SFXN5: variants seen among roughly 807,000 people sequenced by gnomAD.
SFXN5 encodes the protein sideroflexin 5.
In SFXN5, 43 loss-of-function variants were observed where a neutral mutation model predicts 50.2. The observed-to-expected ratio is 0.86, with a 90% CI of 0.67 to 1.11. The LOEUF (loss-of-function observed/expected upper bound fraction) is 1.11. SFXN5 is among the 50% of genes least tolerant of loss of function. SFXN5 has a pLI of 0.00. For missense variants in SFXN5, 463 were observed against 454.1 expected (o/e 1.02, Z -0.18); for synonymous variants, 203 against 185.8 (o/e 1.09, Z -0.75).
chr2:72,990,230 T>C (rs1672415887), intron 9 of SFXN5, among the ~76,000 whole-genome samples: 1 of 152,174 alleles, frequency 6.6e-6, no homozygotes, highest in Admixed American at 6.5e-5. Flanking sequence ...CCATCTTAAG[T>C]CTCAGGCTGA....
intron 6 of SFXN5, among the ~76,000 whole-genome samples, chr2:73,001,928 T>C (rs1003284279): frequency 6.6e-6 from 1 of 152,222 alleles, no homozygotes; most frequent in African/African-American, 2.4e-5. Context: ...TCTTAAATAT[T>C]TCTGTATTCT....
chr2:72,989,061 C>G (rs1013118237), intron 9 of SFXN5, among the ~76,000 whole-genome samples: 6 of 152,244 alleles, frequency 3.9e-5, no homozygotes, highest in Admixed American at 3.9e-4. Context: ...GCCACACCAG[C>G]TCCTCTCTAT....
chr2:72,990,355 G>A (rs1003339260), intron 9 of SFXN5, among the ~76,000 whole-genome samples: 2 of 152,182 alleles, frequency 1.3e-5, no homozygotes, highest in African/African-American at 4.8e-5. Context: ...CTGGGGAGCT[G>A]CCGGCTCATA....
chr2:73,014,119 C>A (rs1200763038), intron 6 of SFXN5, among the ~76,000 whole-genome samples: 1 of 152,110 alleles, frequency 6.6e-6, no homozygotes, highest in Non-Finnish European at 1.5e-5. Context: ...TATTCCACTG[C>A]GTGACTAAGC....
At chr2:73,047,257 T>TATATATATATATATACACAC (rs1177919651) in intron 2 of SFXN5, among the ~76,000 whole-genome samples, 13 of 70,094 alleles carry the variant, frequency 1.9e-4, no homozygotes, top group Admixed American at 3.8e-4. Flanking sequence ...TATATATATA[T>TATATATATATATATACACAC]ATATATATAT....
intron 11 of SFXN5, among the ~76,000 whole-genome samples, chr2:72,968,834 G>A (rs1287703866): frequency 6.9e-6 from 1 of 145,236 alleles, no homozygotes; most frequent in African/African-American, 2.6e-5. Context: ...ACAGAGTCTT[G>A]CTCTGTCCCC....
At chr2:73,059,921 G>A (rs1483958638) in intron 1 of SFXN5, 1 of 952,248 alleles carries the variant, frequency 1.1e-6, no homozygotes, top group Non-Finnish European at 1.3e-6. Context: ...TTACAAAGGT[G>A]GATGGTTAAA....
At position 72,973,846 on chromosome 2, in the gene SFXN5, G is replaced by A. The variant is rs148893176; in HGVS notation, c.626-2161C>T. On this transcript the variant is annotated intron_variant, in intron 10 of 13. Transcript: ENST00000272433. This position sits in a 1 kb window ranked among gnomAD's most constrained non-coding sequence, Gnocchi z 5.5. ...ATGCCCTTGGAGCTGCCAGGCTTTC[G>A]GTTCCCAGGAGACCTAAGAAAACCG... 6.6e-6 allele frequency among the ~76,000 whole-genome samples: 1 copy of A among 152,156 alleles called. No homozygotes were observed. Among genetic ancestry groups the A allele is most frequent in the African/African-American group, 2.4e-5 (1 of 41,428 alleles).
chr2:72,989,867 C>T (rs957439290), intron 9 of SFXN5, among the ~76,000 whole-genome samples: 2 of 152,208 alleles, frequency 1.3e-5, no homozygotes, highest in African/African-American at 2.4e-5. Context: ...TTCTGGGAAG[C>T]GTGGGAGGAG....
intron 6 of SFXN5, among the ~76,000 whole-genome samples, chr2:73,016,989 G>C (rs1676247450): frequency 6.6e-6 from 1 of 152,322 alleles, no homozygotes; most frequent in Non-Finnish European, 1.5e-5. Context: ...GCACTGCCCA[G>C]CATGGTGAAA....
chr2:72,968,336 C>A, intron 12 of SFXN5, 112 bp downstream of exon 12: 1 of 899,446 alleles, frequency 1.1e-6, no homozygotes, highest in South Asian at 1.6e-5. Context: ...TCTACACAAA[C>A]TGGGGTGGGC....
intron 1 of SFXN5, among the ~76,000 whole-genome samples, chr2:73,062,571 G>C (rs934528540): frequency 6.6e-6 from 1 of 152,128 alleles, no homozygotes; most frequent in Admixed American, 6.5e-5. Flanking sequence ...TTCGACCATA[G>C]CTACTGGGGG....
intron 9 of SFXN5, among the ~76,000 whole-genome samples, chr2:72,990,195 C>T (rs1451639022): frequency 2.0e-5 from 3 of 152,248 alleles, no homozygotes; most frequent in Non-Finnish European, 4.4e-5. Flanking sequence ...GGCATGCCCA[C>T]CCTGGGCTCT....
At chr2:73,007,580 C>T (rs1044067700) in intron 6 of SFXN5, among the ~76,000 whole-genome samples, 1 of 152,088 alleles carries the variant, frequency 6.6e-6, no homozygotes, top group African/African-American at 2.4e-5. Flanking sequence ...TTATCTTCCT[C>T]GAGAGCTTCT....
Position 73,032,858 on chromosome 2 carries a change from C to A in SFXN5, c.249+7996G>T, listed in dbSNP as rs187584290. On this transcript the variant is annotated intron_variant, in intron 3 of 13. Coordinates refer to ENST00000272433, the MANE Select transcript of SFXN5 (RefSeq NM_144579.3). ...TTCCTAATTTATCAGTTGGGCCAAT[C>A]GCATTATACCTCACCATTAATTTTG... 2.6e-5 allele frequency among the ~76,000 whole-genome samples: 4 copies of A among 152,326 alleles called. No homozygotes were observed. The East Asian group carries it at 7.7e-4, about 29-fold the overall frequency.
rs111499514 is a variant in SFXN5 at position 73,061,145 on chromosome 2, G to A, written c.103-2549C>T. Among the ~76,000 whole-genome samples the A allele has an allele frequency of 4.5e-3, 681 of 151,912 alleles. 6 individuals are homozygous for A. Among genetic ancestry groups the A allele is most frequent in the African/African-American group, 0.013 (520 of 41,484 alleles). On this transcript the variant is annotated intron_variant, in intron 1 of 13. Transcript: ENST00000272433. ...AGCCTGGCCAACATGGTGAAACCCC[G>A]TCCATACTAAAAATATAAAAATTAG...
intron 6 of SFXN5, among the ~76,000 whole-genome samples, chr2:73,016,988 A>G (rs2105802074): frequency 6.6e-6 from 1 of 152,346 alleles, no homozygotes; most frequent in East Asian, 1.9e-4. Flanking sequence ...TGCACTGCCC[A>G]GCATGGTGAA....
At chr2:73,030,734 C>G (rs1272979248) in intron 3 of SFXN5, among the ~76,000 whole-genome samples, 1 of 152,158 alleles carries the variant, frequency 6.6e-6, no homozygotes, top group African/African-American at 2.4e-5. Context: ...CAAGTGGAAT[C>G]ACATAGTATT....
chr2:73,031,495 T>C (rs184032869), intron 3 of SFXN5, among the ~76,000 whole-genome samples: 1 of 152,306 alleles, frequency 6.6e-6, no homozygotes, highest in African/African-American at 2.4e-5. Flanking sequence ...GCTAGTACAT[T>C]TGGGGATCGT....
Sources: gnomAD v4.1 joint callset for allele counts (sites outside exome capture counted in the v4.1 genomes callset) on GRCh38, gnomAD v4.1.1 for gene constraint, Gnocchi (gnomAD v3.1) non-coding constraint, MANE v1.5 for transcripts, NCBI Gene and HGNC (gene_info 2026-07-23, HGNC 2026-07-21) for gene names.